Variants in PIK3CB observed in about 807,000 individuals in gnomAD.
PIK3CB encodes the protein phosphatidylinositol-4,5-bisphosphate 3-kinase catalytic subunit beta, also known as phosphatidylinositol 4,5-bisphosphate 3-kinase catalytic subunit beta isoform.
A neutral mutation model predicts 136.8 loss-of-function variants in PIK3CB; 39 were observed. The observed-to-expected ratio is 0.29, with a 90% confidence interval of 0.22 to 0.37. The LOEUF is 0.37. Among genes scored for constraint, PIK3CB ranks in the 10% least tolerant of loss-of-function variants. The probability of loss-of-function intolerance (pLI) is 1.00; values close to 1 mark genes in which losing one functional copy is unlikely to be tolerated. For missense variants in PIK3CB, 868 were observed against 1,275.4 expected (o/e 0.68, Z 4.87); for synonymous variants, 428 against 436.6 (o/e 0.98, Z 0.25).
intron 14 of PIK3CB, among the ~76,000 whole-genome samples, chr3:138,692,045 A>G (rs2044021068): frequency 6.6e-6 from 1 of 152,222 alleles, no homozygotes; most frequent in African/African-American, 2.4e-5. Context: ...TTGAAATAAT[A>G]TAACAGATAA....
At chr3:138,657,632 C>A in intron 22 of PIK3CB, 58 bp downstream of exon 22, 4 of 1,463,718 alleles carry the variant, frequency 2.7e-6, no homozygotes, top group Non-Finnish European at 3.8e-6. Context: ...TGCTGGTCCA[C>A]CTGGTCAGAT....
chr3:138,705,186 C>CAAA (rs1192112636), intron 11 of PIK3CB, among the ~76,000 whole-genome samples: 1 of 55,078 alleles, frequency 1.8e-5, no homozygotes, highest in Non-Finnish European at 3.1e-5. Context: ...AAAAACAAAA[C>CAAA]AAACAAAAAA....
At chr3:138,673,249 T>C (rs2043573713) in intron 19 of PIK3CB, among the ~76,000 whole-genome samples, 1 of 152,012 alleles carries the variant, frequency 6.6e-6, no homozygotes, top group African/African-American at 2.4e-5. Context: ...AGAACTGCAA[T>C]ACTGAAGGAA....
At chr3:138,737,977 A>T in intron 5 of PIK3CB, 91 bp from the exon 6 acceptor site, 10 of 681,838 alleles carry the variant, frequency 1.5e-5, no homozygotes, top group Non-Finnish European at 2.3e-5. Flanking sequence ...AATATGTACA[A>T]ATGTACATAA....
chr3:138,733,607 G>A (rs986043103), intron 7 of PIK3CB, among the ~76,000 whole-genome samples, 169 bp from the exon 8 acceptor site: 2 of 152,148 alleles, frequency 1.3e-5, no homozygotes, highest in African/African-American at 2.4e-5. Context: ...GACCGGGCGC[G>A]GTGGCTCACG....
rs1934077385 is a variant in PIK3CB at position 138,832,448 on chromosome 3, T to G, written c.-122+2247A>C. On this transcript the variant is annotated intron_variant, in intron 1 of 23. Transcript: ENST00000674063. ...GGTTCATGCCTGTAATCCCAGCATT[T>G]TGGGAGGCCCAGGCTGGCGGATCAT... 1.3e-5 allele frequency among the ~76,000 whole-genome samples: 2 copies of G among 152,068 alleles called. 1 individual carries two copies. The highest frequency in any genetic ancestry group is 4.2e-4 in the South Asian group (2 of 4,808).
intron 1 of PIK3CB, among the ~76,000 whole-genome samples, chr3:138,831,379 G>GGTC (rs1415671331): frequency 6.9e-6 from 1 of 145,118 alleles, no homozygotes; most frequent in Non-Finnish European, 1.5e-5. Context: ...GATCACCTGA[G>GGTC]GTCAGGAGTT....
rs1227970212 is a variant in PIK3CB, at chr3:138,698,900, T to C, written c.1770+7A>G. The C allele has an allele frequency of 8.9e-6, 14 of 1,579,516 alleles. No individual in the cohort carries two copies. In the African/African-American group the frequency reaches 1.6e-4, roughly 18 times the overall value. Reference sequence around the variant, plus strand: ...CAAAAAAAGTTATAGAAACGATCTTTTGTTACCTGAGCAACATCCTCAAGT... The same window carrying C: ...CAAAAAAAGTTATAGAAACGATCTTCTGTTACCTGAGCAACATCCTCAAGT... On this transcript the variant is annotated splice_region_variant and intron_variant, in intron 13 of 23. Coordinates refer to ENST00000674063, the MANE Select transcript of PIK3CB (RefSeq NM_006219.3).
At chr3:138,689,724 T>C (rs1045219197) in intron 15 of PIK3CB, among the ~76,000 whole-genome samples, 2 of 152,268 alleles carry the variant, frequency 1.3e-5, no homozygotes, top group Non-Finnish European at 2.9e-5. Flanking sequence ...TAGTTAATAC[T>C]TCAAAGTTCA....
At chr3:138,831,261 T>TATAAAATAAAATA (rs1553745232) in intron 1 of PIK3CB, among the ~76,000 whole-genome samples, 30 of 145,506 alleles carry the variant, frequency 2.1e-4, no homozygotes, top group South Asian at 6.4e-4. Flanking sequence ...CCGTCTCAAA[T>TATAAAATAAAATA]AAATAAAATA....
At chr3:138,675,437 A>G (rs2043624633) in intron 19 of PIK3CB, among the ~76,000 whole-genome samples, 1 of 152,164 alleles carries the variant, frequency 6.6e-6, no homozygotes, top group Non-Finnish European at 1.5e-5. Context: ...ATTTTATGAA[A>G]AACAATAATA....
intron 19 of PIK3CB, among the ~76,000 whole-genome samples, chr3:138,668,049 T>A (rs960377900): frequency 2.6e-5 from 4 of 151,736 alleles, no homozygotes; most frequent in Non-Finnish European, 4.4e-5. Flanking sequence ...GCCTGGGCAA[T>A]AAGAGCAAAA....
At chr3:138,803,272 T>C (rs111888747) in intron 1 of PIK3CB, among the ~76,000 whole-genome samples, 4 of 152,346 alleles carry the variant, frequency 2.6e-5, no homozygotes, top group African/African-American at 9.6e-5. Flanking sequence ...AGAGACTGGA[T>C]GACTAAGAAA....
chr3:138,780,010 T>C (rs537031024), intron 2 of PIK3CB, among the ~76,000 whole-genome samples: 4 of 151,946 alleles, frequency 2.6e-5, no homozygotes, highest in Non-Finnish European at 5.9e-5. Context: ...CAGGCTGGAG[T>C]GCAGTGGCGA....
At chr3:138,721,527 C>T (rs751612026) in intron 8 of PIK3CB, among the ~76,000 whole-genome samples, 24 of 152,154 alleles carry the variant, frequency 1.6e-4, no homozygotes, top group Non-Finnish European at 3.1e-4. Flanking sequence ...TATGTATATA[C>T]ACTTTGATCT....
At chr3:138,709,972 GT>G (rs1400167655) in intron 10 of PIK3CB, among the ~76,000 whole-genome samples, 1 of 146,710 alleles carries the variant, frequency 6.8e-6, no homozygotes, top group Non-Finnish European at 1.5e-5. Context: ...GAGCCCAGGA[GT>G]TCGAGACCAG....
chr3:138,784,826 A>T (rs1310339509), intron 2 of PIK3CB, among the ~76,000 whole-genome samples: 7 of 152,114 alleles, frequency 4.6e-5, no homozygotes, highest in Non-Finnish European at 8.8e-5. Flanking sequence ...AAGTGCTGAG[A>T]TTGCAGCCTC....
chr3:138,732,457 T>C (rs1283987266), intron 8 of PIK3CB, among the ~76,000 whole-genome samples: 1 of 152,162 alleles, frequency 6.6e-6, no homozygotes, highest in Admixed American at 6.5e-5. Flanking sequence ...TGAATATATC[T>C]TCAAGCAACA....
At chr3:138,656,976 C>G (rs996113823) in intron 22 of PIK3CB, among the ~76,000 whole-genome samples, 7 of 152,112 alleles carry the variant, frequency 4.6e-5, no homozygotes, top group African/African-American at 1.7e-4. Flanking sequence ...CCATGTTGGT[C>G]AGGCTGGTCT....
Sources: gnomAD v4.1 joint callset for allele counts (sites outside exome capture counted in the v4.1 genomes callset) on GRCh38, gnomAD v4.1.1 for gene constraint, MANE v1.5 for transcripts, NCBI Gene and HGNC (gene_info 2026-07-23, HGNC 2026-07-21) for gene names.